Variants in ANKS6 observed in about 807,000 individuals in gnomAD.
The protein encoded by ANKS6 is ankyrin repeat and sterile alpha motif domain containing 6, also known as ankyrin repeat and SAM domain-containing protein 6.
In ANKS6, 47 loss-of-function variants were observed where a neutral mutation model predicts 77.9. The observed-to-expected ratio is 0.60, with a 90% CI of 0.48 to 0.77. ANKS6 has a LOEUF of 0.77. ANKS6 is among the 30% of genes least tolerant of loss of function. ANKS6 has a pLI of 0.00. For missense variants in ANKS6, 1,150 were observed against 1,159.1 expected, an observed-to-expected ratio of 0.99 and a Z score of 0.11; for synonymous variants, 488 against 501.7, an observed-to-expected ratio of 0.97 and a Z score of 0.37.
intron 12 of ANKS6, among the ~76,000 whole-genome samples, 190 bp downstream of exon 12, chr9:98,756,230 C>A (rs1283095164): frequency 6.6e-6 from 1 of 152,140 alleles, no homozygotes; most frequent in Non-Finnish European, 1.5e-5. Context: ...AGGGAGCTTA[C>A]CATACCTTTA....
rs1181357798 is a variant in ANKS6, at chr9:98,774,027, G to A, written c.1671C>T (p.Val557=). 3.2e-6 allele frequency: 5 copies of A among 1,568,584 alleles called. No individual in the cohort carries two copies. The highest frequency in any genetic ancestry group is 4.3e-6 in the Non-Finnish European group (5 of 1,157,914). ...TGGAAGGGGGTAGGAATGGGGGGATGACTGCTTTCAGCTTGTCACTCGGGA... is the reference window on the plus strand; with the variant it reads ...TGGAAGGGGGTAGGAATGGGGGGATAACTGCTTTCAGCTTGTCACTCGGGA... ...TRLPSDKLKA[V]IPPFLPPSSF... is the part of the protein sequence containing the mutation. The change falls in exon 9 of 15, where the codon GTC becomes GTT. Residue 557 remains valine (V), a synonymous_variant. Coordinates refer to ENST00000353234, the MANE Select transcript of ANKS6 (RefSeq NM_173551.5).
At position 98,736,005 on chromosome 9, in the gene ANKS6, C is replaced by A. The variant is rs1831477996; in HGVS notation, c.*514G>T. Reference sequence around the variant, plus strand: ...AACCTCTCACCATAATACATACCCCCCATCTAAGTCAAAAGTTGTTGCTGG... The same window carrying A: ...AACCTCTCACCATAATACATACCCCACATCTAAGTCAAAAGTTGTTGCTGG... On this transcript the variant is annotated 3_prime_UTR_variant, in exon 15 of 15. Coordinates refer to ENST00000353234, the MANE Select transcript of ANKS6 (RefSeq NM_173551.5). 4 of 1,216,718 alleles carry A rather than the reference C, an allele frequency of 3.3e-6. No homozygotes were observed. In the East Asian group the frequency reaches 1.0e-4, roughly 30 times the overall value. 75.4% of individuals were successfully genotyped at this position (1,216,718 alleles called of 1,614,324 possible).
At chr9:98,739,726 T>C (rs1588315307) in intron 14 of ANKS6, among the ~76,000 whole-genome samples, 1 of 151,048 alleles carries the variant, frequency 6.6e-6, no homozygotes, top group Middle Eastern at 3.5e-3. Flanking sequence ...GGCAGACAGA[T>C]CCTATCCTCA....
At chr9:98,743,905 G>A (rs1451176416) in intron 14 of ANKS6, among the ~76,000 whole-genome samples, 4 of 152,142 alleles carry the variant, frequency 2.6e-5, no homozygotes, top group African/African-American at 9.7e-5. Context: ...CACCTTCTGT[G>A]AGCCACCCTC....
intron 11 of ANKS6, among the ~76,000 whole-genome samples, chr9:98,766,242 T>C (rs951260129): frequency 1.3e-5 from 2 of 152,244 alleles, no homozygotes; most frequent in African/African-American, 4.8e-5. Flanking sequence ...AGAATATACT[T>C]ATATATAATG....
At chr9:98,738,474 CAT>C (rs1211987020) in intron 14 of ANKS6, among the ~76,000 whole-genome samples, 7 of 150,426 alleles carry the variant, frequency 4.7e-5, no homozygotes, top group African/African-American at 1.7e-4. Flanking sequence ...GGCCAGCAAA[CAT>C]ATGAAAAAAT....
chr9:98,741,515 T>C (rs751540039), intron 14 of ANKS6, among the ~76,000 whole-genome samples: 9 of 152,254 alleles, frequency 5.9e-5, no homozygotes, highest in Non-Finnish European at 8.8e-5. Context: ...GATTGGATTG[T>C]GATTTCTTAA....
Position 98,747,372 on chromosome 9 carries a change from C to T in ANKS6, c.2395-1697G>A, listed in dbSNP as rs1341217287. Among the ~76,000 whole-genome samples the T allele has an allele frequency of 8.4e-5, 12 of 142,538 alleles. No homozygotes were observed. In the East Asian group the frequency reaches 2.9e-3, roughly 35 times the overall value. 93.5% of individuals were successfully genotyped at this position (142,538 alleles called of 152,430 possible). A position where few individuals can be genotyped will look rare whatever the true frequency, so the allele number is the denominator to read the frequency against. On this transcript the variant is annotated intron_variant, in intron 13 of 14. Coordinates refer to ENST00000353234, the MANE Select transcript of ANKS6 (RefSeq NM_173551.5). ...CTTTTCTCTGTTAACAGTCATTTTA[C>T]TTTTCTGGATTAAAAACAAACAAAA...
At chr9:98,792,223 C>T (rs1055939781) in intron 1 of ANKS6, among the ~76,000 whole-genome samples, 3 of 152,150 alleles carry the variant, frequency 2.0e-5, no homozygotes, top group Non-Finnish European at 4.4e-5. Context: ...CACACCCCCA[C>T]CGTGTCCTGC....
Position 98,736,057 on chromosome 9 carries a change from C to T in ANKS6, c.*462G>A, listed in dbSNP as rs115752396. ...AAGCCACTATGTGGAGACTGCACAT[C>T]CTGGCCTCCTCTGCATCCAGGTGGG... is the stretch of plus-strand genomic sequence containing the variant. On this transcript the variant is annotated 3_prime_UTR_variant, in exon 15 of 15. Transcript: ENST00000353234. The T allele has an allele frequency of 1.9e-3, 2,207 of 1,182,674 alleles. 24 individuals are homozygous for T. In the African/African-American group the frequency reaches 0.031, roughly 17 times the overall value. The allele number at this position is 1,182,674 out of a possible 1,614,324, so 73.3% of individuals were successfully genotyped here. A position where few individuals can be genotyped will look rare whatever the true frequency, so the allele number is the denominator to read the frequency against.
chr9:98,781,081 G>A (rs1184979408), intron 5 of ANKS6, among the ~76,000 whole-genome samples: 1 of 152,080 alleles, frequency 6.6e-6, no homozygotes, highest in Admixed American at 6.5e-5. Flanking sequence ...TGTATTTTTA[G>A]TAGAGATGGG....
intron 14 of ANKS6, among the ~76,000 whole-genome samples, chr9:98,744,196 G>A (rs1193510222): frequency 2.6e-5 from 4 of 152,206 alleles, no homozygotes; most frequent in Admixed American, 1.3e-4. Context: ...AAAACTACTT[G>A]GCCTTGGGAT....
At chr9:98,783,803 C>CA (rs1491370203) in intron 4 of ANKS6, 150 bp downstream of exon 4, 5 of 420,370 alleles carry the variant, frequency 1.2e-5, no homozygotes. Flanking sequence ...GCCTGTGCCG[C>CA]TTTTTTTTTT....
intron 11 of ANKS6, among the ~76,000 whole-genome samples, chr9:98,763,485 A>G (rs1296142900): frequency 2.0e-5 from 3 of 152,092 alleles, no homozygotes; most frequent in Non-Finnish European, 4.4e-5. Flanking sequence ...TAGAAAAAGC[A>G]TCACATAGAG....
At chr9:98,790,846 G>A (rs887640272) in intron 1 of ANKS6, among the ~76,000 whole-genome samples, 1 of 152,210 alleles carries the variant, frequency 6.6e-6, no homozygotes, top group African/African-American at 2.4e-5. Flanking sequence ...CCTTTAGGAA[G>A]AACTTTGATT....
chr9:98,762,730 A>G (rs1833082688), intron 11 of ANKS6, among the ~76,000 whole-genome samples: 1 of 152,088 alleles, frequency 6.6e-6, no homozygotes, highest in African/African-American at 2.4e-5. Context: ...GATGAACCCC[A>G]CTTGGTCAGA....
intron 12 of ANKS6, 43 bp from the exon 13 acceptor site, chr9:98,751,139 T>C (rs1832410566): frequency 6.6e-7 from 1 of 1,506,284 alleles, no homozygotes; most frequent in South Asian, 1.2e-5. Context: ...CATTTTAGAA[T>C]TTGGTAAAGT....
chr9:98,746,921 C>T (rs1018129168), intron 13 of ANKS6, among the ~76,000 whole-genome samples: 8 of 152,220 alleles, frequency 5.3e-5, no homozygotes, highest in African/African-American at 1.9e-4. Context: ...GCTGCCCACA[C>T]CCACGTCTTC....
At chr9:98,776,494 G>A (rs1365281708) in intron 8 of ANKS6, among the ~76,000 whole-genome samples, 4 of 151,662 alleles carry the variant, frequency 2.6e-5, no homozygotes, top group African/African-American at 4.8e-5. Flanking sequence ...TCCACCTCCC[G>A]GGTTCAAGCA....
Sources: gnomAD v4.1 joint callset for allele counts (sites outside exome capture counted in the v4.1 genomes callset) on GRCh38, gnomAD v4.1.1 for gene constraint, MANE v1.5 for transcripts, NCBI Gene and HGNC (gene_info 2026-07-23, HGNC 2026-07-21) for gene names.